Variants in SV2B observed in about 807,000 individuals in gnomAD.
The protein encoded by SV2B is synaptic vesicle glycoprotein 2B.
A neutral mutation model predicts 73.9 loss-of-function variants in SV2B; 41 were observed. That is an observed-to-expected ratio of 0.56 (90% CI 0.43 to 0.72). SV2B has a LOEUF of 0.72. Ranked by LOEUF, SV2B falls within the 30% of genes least tolerant of loss-of-function variation. The probability of loss-of-function intolerance (pLI) is 0.00; values close to 1 mark genes in which losing one functional copy is unlikely to be tolerated. For missense variants in SV2B, 764 were observed against 857.8 expected (o/e 0.89, Z 1.37); for synonymous variants, 314 against 314.2 (o/e 1.00, Z 0.01).
At chr15:91,166,959 G>A (rs372877168) in intron 1 of SV2B, among the ~76,000 whole-genome samples, 1,785 of 152,050 alleles carry the variant, frequency 0.012, 35 homozygotes, top group African/African-American at 0.041. Context: ...GACTACAGGT[G>A]CCTGCCACCA....
At chr15:91,148,719 G>T (rs2043220006) in intron 1 of SV2B, among the ~76,000 whole-genome samples, 1 of 152,186 alleles carries the variant, frequency 6.6e-6, no homozygotes. Context: ...AAGATCTGCA[G>T]TTGGCAAGCT....
At chr15:91,285,822 G>A (rs953740374) in intron 11 of SV2B, among the ~76,000 whole-genome samples, 4 of 151,990 alleles carry the variant, frequency 2.6e-5, no homozygotes, top group East Asian at 1.9e-4. Context: ...TGCCCATGTC[G>A]ACGAGAACAG....
At chr15:91,168,277 A>C (rs1056717676) in intron 1 of SV2B, among the ~76,000 whole-genome samples, 2 of 143,288 alleles carry the variant, frequency 1.4e-5, no homozygotes, top group African/African-American at 5.3e-5. Flanking sequence ...GAATGGGTCT[A>C]CCTTTGGGCA....
chr15:91,234,878 C>G lies in SV2B; in HGVS notation c.451+8164C>G, dbSNP rs2188462. Among the ~76,000 whole-genome samples, 56,744 of 152,148 alleles carry G rather than the reference C, an allele frequency of 0.37. 14,569 individuals are homozygous for G. The highest frequency in any genetic ancestry group is 0.73 in the African/African-American group (30,416 of 41,476). On this transcript the variant is annotated intron_variant, in intron 2 of 12. Coordinates refer to ENST00000394232, the MANE Select transcript of SV2B (RefSeq NM_001323032.3). This position sits in a 1 kb window ranked among gnomAD's most constrained non-coding sequence, Gnocchi z 5.6. ...TAGTCAGACCTTTTGAAGATACTTG[C>G]TCTGAACTGACACTAATTCCAAGAG... is the stretch of plus-strand genomic sequence containing the variant.
chr15:91,258,923 CAAAAAAAA>C lies in SV2B; in HGVS notation c.918+381_918+388del, dbSNP rs3082222. Among the ~76,000 whole-genome samples, 63 of 89,194 alleles carry C rather than the reference CAAAAAAAA, an allele frequency of 7.1e-4. No individual in the cohort carries two copies. The highest frequency in any genetic ancestry group is 1.3e-3 in the Non-Finnish European group (52 of 40,794). 58.5% of individuals were successfully genotyped at this position (89,194 alleles called of 152,430 possible). A position where few individuals can be genotyped will look rare whatever the true frequency, so the allele number is the denominator to read the frequency against. On this transcript the variant is annotated intron_variant, in intron 5 of 12. Transcript: ENST00000394232. The surrounding 1 kb of genome is among the most constrained non-coding windows in gnomAD (Gnocchi z 4.7). ...GCTACACAGGGAGACCTCATCTCTA[CAAAAAAAA>C]AAAAAAAAAAATTAGTTGAGCGATT...
At chr15:91,180,615 C>G (rs1253002446) in intron 1 of SV2B, among the ~76,000 whole-genome samples, 1 of 152,120 alleles carries the variant, frequency 6.6e-6, no homozygotes. Flanking sequence ...TTTCTCTAAA[C>G]TTCCCTTCTC....
intron 1 of SV2B, among the ~76,000 whole-genome samples, chr15:91,180,987 A>AT (rs1187546300): frequency 5.9e-5 from 9 of 151,638 alleles, no homozygotes; most frequent in African/African-American, 1.9e-4. Flanking sequence ...TAGAGTTTCC[A>AT]TTTTTTCTGC....
At chr15:91,270,735 G>A (rs1405392888) in intron 9 of SV2B, among the ~76,000 whole-genome samples, 1 of 152,054 alleles carries the variant, frequency 6.6e-6, no homozygotes, top group African/African-American at 2.4e-5. Flanking sequence ...CTGGGTGGGA[G>A]TGAGGAGGAA....
chr15:91,179,411 T>G (rs912245995), intron 1 of SV2B, among the ~76,000 whole-genome samples: 22 of 152,172 alleles, frequency 1.4e-4, no homozygotes, highest in Non-Finnish European at 2.1e-4. Context: ...TATTAGGTCC[T>G]CTTGGTGCAG....
chr15:91,120,688 C>T (rs2042307299), intron 1 of SV2B, among the ~76,000 whole-genome samples: 1 of 151,770 alleles, frequency 6.6e-6, no homozygotes, highest in Admixed American at 6.6e-5. Context: ...GTGGCATGCG[C>T]CTGTAGTCAT....
Position 91,289,714 on chromosome 15 carries a change from G to A in SV2B, c.1868+34G>A. The stretch of plus-strand genomic sequence containing the variant: ...TTCCCCAGGCTTTCCTCAGGGACTT[G>A]TTTGGGCTTCTTTGGCCAGAAGTCT... On this transcript the variant is annotated intron_variant, in intron 12 of 12. Transcript: ENST00000394232. The surrounding 1 kb of genome is among the most constrained non-coding windows in gnomAD (Gnocchi z 4.9). 6.3e-7 allele frequency: 1 copy of A among 1,599,998 alleles called. No individual in the cohort carries two copies.
chr15:91,107,289 ATTTG>A (rs1274580877), intron 1 of SV2B, among the ~76,000 whole-genome samples: 3 of 148,036 alleles, frequency 2.0e-5, no homozygotes, highest in South Asian at 2.1e-4. Flanking sequence ...TCATTACTTT[ATTTG>A]TTTGTTTATT....
chr15:91,229,727 T>A lies in SV2B; in HGVS notation c.451+3013T>A, dbSNP rs953521703. ...ATCAGTGCTCAAGATATCTTAGTTA[T>A]TATTATTGTCGATTGTGGTTGTTCT... On this transcript the variant is annotated intron_variant, in intron 2 of 12. Coordinates refer to ENST00000394232, the MANE Select transcript of SV2B (RefSeq NM_001323032.3). The surrounding 1 kb of genome is among the most constrained non-coding windows in gnomAD (Gnocchi z 4.3). Among the ~76,000 whole-genome samples the A allele has an allele frequency of 6.6e-6, 1 of 152,232 alleles. No individual in the cohort carries two copies. Among genetic ancestry groups the A allele is most frequent in the Non-Finnish European group, 1.5e-5 (1 of 68,034 alleles).
rs1854741040 is a variant in SV2B at position 91,106,407 on chromosome 15, T to G, written c.-392+6044T>G. Among the ~76,000 whole-genome samples, 1 of 152,228 alleles carries G rather than the reference T, an allele frequency of 6.6e-6. No individual in the cohort carries two copies. Among genetic ancestry groups the G allele is most frequent in the South Asian group, 2.1e-4 (1 of 4,828 alleles). The stretch of plus-strand genomic sequence containing the variant: ...ATATTGTCTGGCACATTGTATATCC[T>G]CAATGGATATGTACTGAATGAGTGA... On this transcript the variant is annotated intron_variant, in intron 1 of 12. Coordinates refer to ENST00000394232, the MANE Select transcript of SV2B (RefSeq NM_001323032.3). This position sits in a 1 kb window ranked among gnomAD's most constrained non-coding sequence, Gnocchi z 4.4.
At chr15:91,181,697 A>G (rs922989009) in intron 1 of SV2B, among the ~76,000 whole-genome samples, 4 of 151,920 alleles carry the variant, frequency 2.6e-5, no homozygotes, top group African/African-American at 9.7e-5. Context: ...ACAGTGGCCA[A>G]ATGGAATAAT....
intron 1 of SV2B, among the ~76,000 whole-genome samples, chr15:91,114,640 A>G (rs939350135): frequency 6.6e-6 from 1 of 152,156 alleles, no homozygotes; most frequent in Non-Finnish European, 1.5e-5. Flanking sequence ...ACTGAGGCCT[A>G]AGAGGGGAGG....
At chr15:91,238,994 C>T (rs997092190) in intron 2 of SV2B, among the ~76,000 whole-genome samples, 1 of 151,388 alleles carries the variant, frequency 6.6e-6, no homozygotes, top group Non-Finnish European at 1.5e-5. Context: ...TTAACCAGCA[C>T]TAGCTCAGAT....
rs948170957 is a variant in SV2B at position 91,121,096 on chromosome 15, C to G, written c.-392+20733C>G. ...GTGGCAGAGAACTAGTCTTTTAACA[C>G]GCTAATTTTTGGTCTTATGTTAGTA... is the stretch of plus-strand genomic sequence containing the variant. On this transcript the variant is annotated intron_variant, in intron 1 of 12. Coordinates refer to ENST00000394232, the MANE Select transcript of SV2B (RefSeq NM_001323032.3). The surrounding 1 kb of genome is among the most constrained non-coding windows in gnomAD (Gnocchi z 4.4). Among the ~76,000 whole-genome samples, 9 of 151,752 alleles carry G rather than the reference C, an allele frequency of 5.9e-5. No individual in the cohort carries two copies. The highest frequency in any genetic ancestry group is 1.2e-4 in the Non-Finnish European group (8 of 67,974).
chr15:91,174,945 C>G (rs1186819522), intron 1 of SV2B, among the ~76,000 whole-genome samples: 4 of 152,096 alleles, frequency 2.6e-5, no homozygotes, highest in Admixed American at 6.5e-5. Flanking sequence ...AGAAGAGATG[C>G]CAAGGGGAGA....
Sources: allele counts gnomAD v4.1 joint callset (sites outside exome capture counted in the v4.1 genomes callset), GRCh38; gene constraint gnomAD v4.1.1; non-coding constraint Gnocchi (gnomAD v3.1); transcripts MANE v1.5; gene names NCBI Gene and HGNC (gene_info 2026-07-23, HGNC 2026-07-21).